WDHD1: variants seen among roughly 807,000 people sequenced by gnomAD.
The protein encoded by WDHD1 is WD repeat and HMG-box DNA binding protein 1.
In WDHD1, 111 loss-of-function variants were observed where a neutral mutation model predicts 135.4. The ratio of observed to expected loss-of-function variants is 0.82; its 90% CI spans 0.70 to 0.96. The LOEUF is 0.96. WDHD1 is among the 40% of genes least tolerant of loss of function. WDHD1 has a pLI of 0.00. For missense variants in WDHD1, 1,351 were observed against 1,336.3 expected, an observed-to-expected ratio of 1.01 and a Z score of -0.17; for synonymous variants, 434 against 439.0, an observed-to-expected ratio of 0.99 and a Z score of 0.14.
chr14:54,948,324 G>A (rs1014360722), intron 24 of WDHD1, among the ~76,000 whole-genome samples: 1 of 152,172 alleles, frequency 6.6e-6, no homozygotes, highest in South Asian at 2.1e-4. Flanking sequence ...GTGACACACA[G>A]CACCTGGAAA....
At chr14:54,990,335 C>T (rs552727704) in intron 12 of WDHD1, among the ~76,000 whole-genome samples, 112 of 152,182 alleles carry the variant, frequency 7.4e-4, no homozygotes, top group African/African-American at 2.6e-3. Context: ...CGGTGGCTCA[C>T]GCCTGTAATC....
chr14:55,010,389 A>G lies in WDHD1; in HGVS notation c.261T>C (p.Asp87=). The part of the protein sequence containing the change: ...QVHTFPEGVP[D]GILTRFTTNA... ...TTGTAGTGAAGCGAGTCAATATACC[A>G]TCTGGAACTCCTTCAGGAAATGTGT... The change falls in exon 4 of 26, where the codon GAT becomes GAC. Residue 87 remains aspartate (D), a synonymous_variant. Transcript: ENST00000360586. 6.2e-7 allele frequency: 1 copy of G among 1,613,636 alleles called. No individual in the cohort carries two copies. Among genetic ancestry groups the G allele is most frequent in the Non-Finnish European group, 8.5e-7 (1 of 1,179,828 alleles).
Position 54,987,281 on chromosome 14 carries a change from C to T in WDHD1, c.1633G>A (p.Ala545Thr). 3 of 1,614,102 alleles carry T rather than the reference C, an allele frequency of 1.9e-6. No homozygotes were observed. The highest frequency in any genetic ancestry group is 3.3e-4 in the Middle Eastern group (2 of 6,062). Residue 545 changes from alanine (A) to threonine (T), a missense_variant, in exon 14 of 26, where the codon GCT becomes ACT. Around this residue, in one of 2 missense-constraint regions of WDHD1, gnomAD observed 1,330 missense variants for 1,296.1 expected, o/e 1.03. Transcript: ENST00000360586. ...AGCAGGGCACTAGTAGCGGCAGCAG[C>T]CCATCCTTGACCGAGACATATGGCT... Reference protein sequence around the residue: ...IEAICLGQGWAAAATSALLLR... With the variant: ...IEAICLGQGWTAAATSALLLR...
At chr14:55,014,251 G>T (rs1156759295) in intron 2 of WDHD1, among the ~76,000 whole-genome samples, 1 of 152,120 alleles carries the variant, frequency 6.6e-6, no homozygotes, top group Non-Finnish European at 1.5e-5. Context: ...ATGCCACCAT[G>T]CCTGGCTAAT....
intron 2 of WDHD1, among the ~76,000 whole-genome samples, chr14:55,025,469 C>T (rs143189065): frequency 6.6e-6 from 1 of 152,302 alleles, no homozygotes; most frequent in African/African-American, 2.4e-5. Context: ...TTACGAGAAA[C>T]ACCCACAAGT....
chr14:55,002,068 G>T (rs1042773403), intron 8 of WDHD1, 25 bp downstream of exon 8: 1 of 1,534,214 alleles, frequency 6.5e-7, no homozygotes, highest in Admixed American at 1.8e-5. Context: ...ATAGCCCACT[G>T]AAAGTGTCAC....
At position 54,940,747 on chromosome 14, in the gene WDHD1, C is replaced by T. The variant is rs775546290; in HGVS notation, c.*743G>A. 3.3e-5 allele frequency: 5 copies of T among 152,100 alleles called. No individual in the cohort carries two copies. Among genetic ancestry groups the T allele is most frequent in the Non-Finnish European group, 5.9e-5 (4 of 68,040 alleles). 9.4% of individuals were successfully genotyped at this position (152,100 alleles called of 1,614,324 possible). A position where few individuals can be genotyped will look rare whatever the true frequency, so the allele number is the denominator to read the frequency against. On this transcript the variant is annotated 3_prime_UTR_variant, in exon 26 of 26. Coordinates refer to ENST00000360586, the MANE Select transcript of WDHD1 (RefSeq NM_007086.4). ...GATGCCTTGGACTGCAATACTGTCA[C>T]AGCAGTGTCTTCAGTTCTTCTCTAC...
At chr14:54,966,340 A>AAAC (rs143022988) in intron 18 of WDHD1, 135 bp downstream of exon 18, 303,074 of 1,030,534 alleles carry the variant, frequency 0.29, 48,700 homozygotes, top group African/African-American at 0.63. Flanking sequence ...GTCGCACAAA[A>AAAC]AACAACAACA....
chr14:54,989,915 T>C (rs559053977), intron 12 of WDHD1, among the ~76,000 whole-genome samples: 20 of 152,236 alleles, frequency 1.3e-4, no homozygotes, highest in African/African-American at 4.6e-4. Flanking sequence ...CAACCCACCT[T>C]GGCCTCCCAA....
intron 16 of WDHD1, among the ~76,000 whole-genome samples, chr14:54,972,753 C>A (rs2041461978): frequency 6.6e-6 from 1 of 151,922 alleles, no homozygotes; most frequent in African/African-American, 2.4e-5. Flanking sequence ...GCCAGGAGAC[C>A]AGCCTGGGCA....
chr14:54,995,659 G>A lies in WDHD1; in HGVS notation c.1097C>T (p.Ala366Val), dbSNP rs773772728. 2 of 1,613,182 alleles carry A rather than the reference G, an allele frequency of 1.2e-6. No homozygotes were observed. The highest frequency in any genetic ancestry group is 1.7e-6 in the Non-Finnish European group (2 of 1,179,610). ...ACTTCGCTGTCTAGGACGACCTGAA[G>A]CCATCATGAGGTCTTCATCATCCTC... ...DDEDDEDLMM[A>V]SGRPRQRSHI... The change falls in exon 11 of 26, where the codon GCT (alanine) becomes GTT (valine). Residue 366 changes from alanine (A) to valine (V), a missense_variant. Physicochemically the swap from Ala to Val is moderately conservative, Grantham distance 64. Coordinates refer to ENST00000360586, the MANE Select transcript of WDHD1 (RefSeq NM_007086.4).
chr14:54,999,634 T>C (rs1246651305), intron 10 of WDHD1, among the ~76,000 whole-genome samples: 1 of 152,230 alleles, frequency 6.6e-6, no homozygotes, highest in Non-Finnish European at 1.5e-5. Flanking sequence ...GGTATCACTG[T>C]CATCCAGGCT....
chr14:54,940,642 C>T lies in WDHD1; in HGVS notation c.*848G>A, dbSNP rs990476158. Reference sequence around the variant, plus strand: ...GAGTTAAATACTTTCCATAACTTTGCTCTCTTCTCAGGCCTTCAAAGTCTT... The same window carrying T: ...GAGTTAAATACTTTCCATAACTTTGTTCTCTTCTCAGGCCTTCAAAGTCTT... On this transcript the variant is annotated 3_prime_UTR_variant, in exon 26 of 26. Transcript: ENST00000360586. 2.0e-5 allele frequency: 3 copies of T among 152,138 alleles called. No homozygotes were observed. The highest frequency in any genetic ancestry group is 7.2e-5 in the African/African-American group (3 of 41,418). 9.4% of individuals were successfully genotyped at this position (152,138 alleles called of 1,614,324 possible). A position where few individuals can be genotyped will look rare whatever the true frequency, so the allele number is the denominator to read the frequency against.
intron 24 of WDHD1, among the ~76,000 whole-genome samples, chr14:54,944,843 C>T (rs940562796): frequency 6.6e-6 from 1 of 151,942 alleles, no homozygotes; most frequent in Non-Finnish European, 1.5e-5. Flanking sequence ...CCTGACCTCA[C>T]GTGATCTGCC....
intron 24 of WDHD1, among the ~76,000 whole-genome samples, chr14:54,946,074 A>C (rs139758936): frequency 2.6e-5 from 4 of 152,252 alleles, no homozygotes; most frequent in Admixed American, 2.0e-4. Flanking sequence ...AAATCAAGGT[A>C]TAACAAAGGT....
In WDHD1 at chr14:54,991,204, A is replaced by AGGTGGTAGC; in HGVS notation, c.1341+8_1341+9insGCTACCACC. On this transcript the variant is annotated intron_variant, in intron 12 of 25. Transcript: ENST00000360586. Reference sequence around the variant, plus strand: ...CTACTAAGAAGTTAAGTGTAGATCCAAGTCTTACCATGAATCTGTGAGTGA... The same window carrying AGGTGGTAGC: ...CTACTAAGAAGTTAAGTGTAGATCCAGGTGGTAGCAGTCTTACCATGAATCTGTGAGTGA... 1 of 1,398,728 alleles carries AGGTGGTAGC rather than the reference A, an allele frequency of 7.1e-7. No homozygotes were observed. The highest frequency in any genetic ancestry group is 9.7e-7 in the Non-Finnish European group (1 of 1,028,908). The allele number at this position is 1,398,728 out of a possible 1,614,324, so 86.6% of individuals were successfully genotyped here. A position where few individuals can be genotyped will look rare whatever the true frequency, so the allele number is the denominator to read the frequency against.
At chr14:55,020,966 T>C (rs2042336081) in intron 2 of WDHD1, among the ~76,000 whole-genome samples, 1 of 152,206 alleles carries the variant, frequency 6.6e-6, no homozygotes, top group Non-Finnish European at 1.5e-5. Context: ...TTCATCCTTA[T>C]CGTCTTCACA....
chr14:55,021,637 G>A (rs1368196915), intron 2 of WDHD1, among the ~76,000 whole-genome samples: 1 of 152,104 alleles, frequency 6.6e-6, no homozygotes, highest in Non-Finnish European at 1.5e-5. Context: ...CCATCTGCCT[G>A]GGCCTCCCAA....
At chr14:55,022,259 T>G (rs2042361317) in intron 2 of WDHD1, among the ~76,000 whole-genome samples, 1 of 152,330 alleles carries the variant, frequency 6.6e-6, no homozygotes, top group East Asian at 1.9e-4. Context: ...GTTATACAAC[T>G]AAGAGACTGG....
Sources: allele counts gnomAD v4.1 joint callset (sites outside exome capture counted in the v4.1 genomes callset), GRCh38; gene constraint gnomAD v4.1.1; regional missense constraint gnomAD v4.1.1; transcripts MANE v1.5; gene names NCBI Gene and HGNC (gene_info 2026-07-23, HGNC 2026-07-21).